The following FBXW11 variants were observed in gnomAD, a reference collection of about 807,000 sequenced individuals.
The protein encoded by FBXW11 is F-box and WD repeat domain containing 11, also known as F-box/WD repeat-containing protein 11.
A neutral mutation model predicts 77.6 loss-of-function variants in FBXW11; 19 were observed. The observed-to-expected ratio is 0.24, with a 90% CI of 0.17 to 0.36. FBXW11 has a LOEUF of 0.36. Ranked by LOEUF, FBXW11 falls within the 10% of genes least tolerant of loss-of-function variation. FBXW11 has a pLI of 1.00. For synonymous variants in FBXW11, 235 were observed against 249.4 expected (o/e 0.94, Z 0.54); for missense variants, 334 against 704.2 (o/e 0.47, Z 5.95).
At chr5:171,899,855 T>C in intron 5 of FBXW11, 59 bp downstream of exon 5, 11 of 1,400,494 alleles carry the variant, frequency 7.9e-6, no homozygotes, top group Non-Finnish European at 1.1e-5. Context: ...TTTTGAGTAA[T>C]CAAGCTGACT....
chr5:171,874,642 A>T (rs1757956829), intron 9 of FBXW11, among the ~76,000 whole-genome samples: 1 of 151,832 alleles, frequency 6.6e-6, no homozygotes, highest in Non-Finnish European at 1.5e-5. Context: ...TGAAACCCTC[A>T]TATACCACTG....
intron 2 of FBXW11, among the ~76,000 whole-genome samples, chr5:171,917,289 G>A (rs1296150100): frequency 6.6e-6 from 1 of 152,110 alleles, no homozygotes; most frequent in Non-Finnish European, 1.5e-5. Context: ...GAGCTATTGT[G>A]ACCTAAACCA....
At chr5:171,981,906 CATAAT>C (rs1272746518) in intron 1 of FBXW11, among the ~76,000 whole-genome samples, 18 of 152,100 alleles carry the variant, frequency 1.2e-4, no homozygotes, top group Non-Finnish European at 2.9e-5. Context: ...ATAAGTCAAA[CATAAT>C]AGAGTGCATA....
intron 9 of FBXW11, among the ~76,000 whole-genome samples, chr5:171,874,733 A>C (rs924759199): frequency 6.8e-6 from 1 of 146,502 alleles, no homozygotes; most frequent in Non-Finnish European, 1.5e-5. Flanking sequence ...CTGGGTGACA[A>C]AGTGAGACCT....
At chr5:171,918,493 T>G (rs766605302) in intron 2 of FBXW11, among the ~76,000 whole-genome samples, 3 of 151,932 alleles carry the variant, frequency 2.0e-5, no homozygotes, top group Non-Finnish European at 2.9e-5. Context: ...AATCTGAGAG[T>G]TGAAATCCTC....
At chr5:171,874,560 C>T (rs1295291895) in intron 9 of FBXW11, among the ~76,000 whole-genome samples, 2 of 152,018 alleles carry the variant, frequency 1.3e-5, no homozygotes, top group African/African-American at 4.8e-5. Context: ...CTACACACTT[C>T]GTGATTTGTG....
At chr5:171,895,284 T>C (rs190413315) in intron 6 of FBXW11, among the ~76,000 whole-genome samples, 149 of 152,336 alleles carry the variant, frequency 9.8e-4, no homozygotes, top group Non-Finnish European at 1.6e-3. Flanking sequence ...ACACAGAGTA[T>C]ACAGCGGCAT....
At chr5:171,970,711 GC>G (rs1764480056) in intron 1 of FBXW11, among the ~76,000 whole-genome samples, 2 of 152,236 alleles carry the variant, frequency 1.3e-5, no homozygotes, top group South Asian at 4.1e-4. Flanking sequence ...TGCTTCTTTA[GC>G]TAAGAACAGC....
In FBXW11 at chr5:171,914,498, G is replaced by T; in HGVS notation, c.148-93C>A. On this transcript the variant is annotated intron_variant, in intron 2 of 13. Transcript: ENST00000517395. ...TAATTTTGAAAACCCAAACTAGAGT[G>T]TACCAATACAAACCCAAGAACTATT... 2.8e-6 allele frequency: 3 copies of T among 1,074,524 alleles called. 1 individual carries two copies. In the African/African-American group the frequency reaches 4.9e-5, roughly 18 times the overall value. 66.6% of individuals were successfully genotyped at this position (1,074,524 alleles called of 1,614,324 possible).
chr5:171,900,428 G>A (rs531363695), intron 4 of FBXW11, among the ~76,000 whole-genome samples: 11 of 152,056 alleles, frequency 7.2e-5, no homozygotes, highest in Admixed American at 1.3e-4. Context: ...GGGCAATGAC[G>A]CCCCAAGTTT....
chr5:171,949,076 G>A (rs1210808013), intron 2 of FBXW11, among the ~76,000 whole-genome samples: 3 of 152,132 alleles, frequency 2.0e-5, no homozygotes, highest in Admixed American at 1.3e-4. Context: ...AAATTTCAAT[G>A]CATAGGAATA....
Position 171,963,037 on chromosome 5 carries a change from T to C in FBXW11, c.46-5339A>G, listed in dbSNP as rs185962876. On this transcript the variant is annotated intron_variant, in intron 1 of 13. Transcript: ENST00000517395. ...CTTCTTCTCACTCCTGTCATCATGA[T>C]TGAAGTAATCAAGTTGAGTGGCTGT... 5.5e-4 allele frequency among the ~76,000 whole-genome samples: 84 copies of C among 152,300 alleles called. 1 individual carries two copies. Among genetic ancestry groups the C allele is most frequent in the Middle Eastern group, 6.8e-3 (2 of 294 alleles).
chr5:171,887,169 C>A (rs1282042128), intron 7 of FBXW11, among the ~76,000 whole-genome samples: 4 of 152,260 alleles, frequency 2.6e-5, no homozygotes, highest in South Asian at 2.1e-4. Flanking sequence ...GGAGACACAG[C>A]ATGCAGTGTT....
intron 2 of FBXW11, among the ~76,000 whole-genome samples, chr5:171,957,354 G>A (rs1763667076): frequency 6.6e-6 from 1 of 152,120 alleles, no homozygotes; most frequent in South Asian, 2.1e-4. Flanking sequence ...TCAAGGTGAG[G>A]GGAAAAGAGT....
chr5:171,936,619 T>C (rs1762498223), intron 2 of FBXW11, among the ~76,000 whole-genome samples: 5 of 151,162 alleles, frequency 3.3e-5, no homozygotes, highest in Admixed American at 2.6e-4. Context: ...AAGCACATCA[T>C]GAACAGAAAC....
chr5:171,973,340 T>C (rs901320305), intron 1 of FBXW11, among the ~76,000 whole-genome samples: 2 of 152,246 alleles, frequency 1.3e-5, no homozygotes, highest in African/African-American at 2.4e-5. Flanking sequence ...AGGCGATTTT[T>C]ATAGATTCAA....
intron 4 of FBXW11, among the ~76,000 whole-genome samples, chr5:171,909,379 T>A (rs1485175643): frequency 1.3e-5 from 2 of 152,190 alleles, no homozygotes; most frequent in African/African-American, 4.8e-5. Context: ...GTGAAACCAT[T>A]CTGTAGGAGA....
intron 1 of FBXW11, among the ~76,000 whole-genome samples, chr5:171,982,471 A>C (rs1035143195): frequency 6.6e-6 from 1 of 152,118 alleles, no homozygotes; most frequent in Non-Finnish European, 1.5e-5. Flanking sequence ...ACGGGGTTAC[A>C]TCTTGTTGGT....
chr5:171,926,513 G>A (rs1313366053), intron 2 of FBXW11, among the ~76,000 whole-genome samples: 1 of 152,172 alleles, frequency 6.6e-6, no homozygotes, highest in African/African-American at 2.4e-5. Flanking sequence ...CCTTGGTGCT[G>A]TCGTGGCATG....
Sources: gnomAD v4.1 joint callset for allele counts (sites outside exome capture counted in the v4.1 genomes callset) on GRCh38, gnomAD v4.1.1 for gene constraint, MANE v1.5 for transcripts, NCBI Gene and HGNC (gene_info 2026-07-23, HGNC 2026-07-21) for gene names.